RNFT2: variants seen among roughly 807,000 people sequenced by gnomAD.
RNFT2 encodes the protein ring finger protein, transmembrane 2, also known as E3 ubiquitin-protein ligase RNFT2.
Under a neutral mutation model 53.0 loss-of-function variants are expected in RNFT2, and 36 were observed. The observed-to-expected ratio is 0.68, with a 90% CI of 0.52 to 0.90. RNFT2 has a LOEUF of 0.90. Ranked by LOEUF, RNFT2 falls within the 40% of genes least tolerant of loss-of-function variation. The pLI, the probability that RNFT2 is intolerant of heterozygous loss-of-function variation, is 0.00. For synonymous variants in RNFT2, 260 were observed against 253.2 expected, an observed-to-expected ratio of 1.03 and a Z score of -0.26; for missense variants, 514 against 585.6, an observed-to-expected ratio of 0.88 and a Z score of 1.26.
At chr12:116,800,180 G>A (rs1603328) in intron 7 of RNFT2, among the ~76,000 whole-genome samples, 136,148 of 152,204 alleles carry the variant, frequency 0.89, 60,947 homozygotes, top group Admixed American at 0.91. Flanking sequence ...CATGAGCCAA[G>A]ATAAACCTCT....
intron 6 of RNFT2, among the ~76,000 whole-genome samples, chr12:116,775,953 G>T (rs1045123213): frequency 1.3e-5 from 2 of 151,994 alleles, no homozygotes; most frequent in Non-Finnish European, 2.9e-5. Context: ...TGAGGCAGAA[G>T]AATTGCTTGA....
At chr12:116,841,149 C>A (rs1039675218) in intron 10 of RNFT2, among the ~76,000 whole-genome samples, 3 of 152,104 alleles carry the variant, frequency 2.0e-5, no homozygotes, top group Admixed American at 6.6e-5. Flanking sequence ...ACAGTTTTTA[C>A]GGGTCAAGAA....
At chr12:116,771,484 A>ATATAT (rs1288359294) in intron 6 of RNFT2, among the ~76,000 whole-genome samples, 22 of 115,950 alleles carry the variant, frequency 1.9e-4, no homozygotes, top group African/African-American at 5.3e-4. Context: ...AAAAAAAAAA[A>ATATAT]AAAAAAAAAA....
intron 7 of RNFT2, among the ~76,000 whole-genome samples, chr12:116,827,231 A>AAAAG (rs542749710): frequency 7.4e-5 from 11 of 147,746 alleles, no homozygotes; most frequent in Non-Finnish European, 8.9e-5. Flanking sequence ...AAAAAAAAAA[A>AAAAG]AAAGAAAGAA....
At chr12:116,801,924 C>T (rs996806790) in intron 7 of RNFT2, among the ~76,000 whole-genome samples, 1 of 152,030 alleles carries the variant, frequency 6.6e-6, no homozygotes, top group Non-Finnish European at 1.5e-5. Flanking sequence ...CAGGTTCAAG[C>T]GATTCTCCTG....
At chr12:116,801,833 T>C (rs1874811124) in intron 7 of RNFT2, among the ~76,000 whole-genome samples, 1 of 151,192 alleles carries the variant, frequency 6.6e-6, no homozygotes, top group Admixed American at 6.6e-5. Flanking sequence ...TGTTTGTTTG[T>C]TTTTTTGAGA....
At chr12:116,834,415 G>A (rs1000837120) in intron 8 of RNFT2, among the ~76,000 whole-genome samples, 9 of 152,084 alleles carry the variant, frequency 5.9e-5, no homozygotes, top group South Asian at 4.1e-4. Flanking sequence ...CACCACGCCC[G>A]GCCTCCAGTA....
intron 7 of RNFT2, among the ~76,000 whole-genome samples, chr12:116,823,409 C>T (rs1876156376): frequency 6.6e-6 from 1 of 152,142 alleles, no homozygotes; most frequent in African/African-American, 2.4e-5. Flanking sequence ...TCAGGCCAAG[C>T]GTGGTAGCTC....
chr12:116,748,096 A>G (rs936215935), intron 3 of RNFT2, among the ~76,000 whole-genome samples: 1 of 152,106 alleles, frequency 6.6e-6, no homozygotes, highest in Non-Finnish European at 1.5e-5. Context: ...AGGCTGAGGC[A>G]GGAGAATCGC....
chr12:116,836,357 C>T (rs1023527141), intron 10 of RNFT2, 75 bp downstream of exon 10: 35 of 1,271,056 alleles, frequency 2.8e-5, no homozygotes, highest in African/African-American at 7.4e-5. Flanking sequence ...GGGCAGTCCT[C>T]GGGTCTCTGG....
intron 3 of RNFT2, among the ~76,000 whole-genome samples, chr12:116,746,172 G>A (rs1182395378): frequency 3.3e-5 from 5 of 152,204 alleles, no homozygotes; most frequent in African/African-American, 7.2e-5. Flanking sequence ...GGGAGGCAGA[G>A]GTTGCAGTGA....
chr12:116,769,811 C>T (rs1214894831), intron 6 of RNFT2, among the ~76,000 whole-genome samples: 1 of 151,796 alleles, frequency 6.6e-6, no homozygotes, highest in African/African-American at 2.4e-5. Flanking sequence ...GTGGGTGGAT[C>T]ATTTGAGGTC....
At chr12:116,745,283 T>C (rs1451380585) in intron 3 of RNFT2, among the ~76,000 whole-genome samples, 1 of 151,682 alleles carries the variant, frequency 6.6e-6, no homozygotes, top group Non-Finnish European at 1.5e-5. Flanking sequence ...CAAGCGATTC[T>C]CCTGCCGCAG....
At position 116,832,898 on chromosome 12, in the gene RNFT2, C is replaced by CTTTT. The variant is rs71095601; in HGVS notation, c.883-873_883-870dup. On this transcript the variant is annotated intron_variant, in intron 7 of 10. Coordinates refer to ENST00000257575, the MANE Select transcript of RNFT2 (RefSeq NM_001382266.1). ...CCAGTGTGAGTACCCAAGTCGTGTT[C>CTTTT]TTTTTTTTTTTTTTTTTTTTTTTTG... is the stretch of plus-strand genomic sequence containing the variant. Among the ~76,000 whole-genome samples the CTTTT allele has an allele frequency of 2.4e-3, 200 of 84,722 alleles. 4 individuals carry two copies. The highest frequency in any genetic ancestry group is 2.6e-3 in the African/African-American group (54 of 20,644). 55.6% of individuals were successfully genotyped at this position (84,722 alleles called of 152,430 possible). A position where few individuals can be genotyped will look rare whatever the true frequency, so the allele number is the denominator to read the frequency against.
intron 7 of RNFT2, among the ~76,000 whole-genome samples, chr12:116,795,195 C>T (rs1205294763): frequency 2.0e-5 from 3 of 152,066 alleles, no homozygotes; most frequent in African/African-American, 7.2e-5. Context: ...CACCTGGGGT[C>T]AGGAGTTCGA....
intron 10 of RNFT2, among the ~76,000 whole-genome samples, chr12:116,839,027 A>G (rs1238613406): frequency 6.6e-6 from 1 of 152,236 alleles, no homozygotes; most frequent in East Asian, 1.9e-4. Flanking sequence ...TGAACAAATG[A>G]ATGAATGACT....
chr12:116,773,659 A>G (rs1873297884), intron 6 of RNFT2, among the ~76,000 whole-genome samples: 1 of 152,190 alleles, frequency 6.6e-6, no homozygotes, highest in Non-Finnish European at 1.5e-5. Context: ...CAGGCTCAGC[A>G]GAGGCCCTAA....
In RNFT2 at chr12:116,845,647, C is replaced by T. The variant is rs536419640; in HGVS notation, c.1201-3667C>T. ...TCCAGGGTGTGAGGATGGGGCTGGACGGGAGACGGGCCATCATAGAGGGTA... is the reference window on the plus strand; with the variant it reads ...TCCAGGGTGTGAGGATGGGGCTGGATGGGAGACGGGCCATCATAGAGGGTA... On this transcript the variant is annotated intron_variant, in intron 10 of 10. Transcript: ENST00000257575. 7.2e-5 allele frequency among the ~76,000 whole-genome samples: 11 copies of T among 152,126 alleles called. No homozygotes were observed. The East Asian group carries it at 9.7e-4, about 13-fold the overall frequency.
At chr12:116,834,436 A>G (rs1383176632) in intron 8 of RNFT2, among the ~76,000 whole-genome samples, 4 of 152,140 alleles carry the variant, frequency 2.6e-5, no homozygotes, top group African/African-American at 9.7e-5. Flanking sequence ...ACTATTTTAA[A>G]GTGTATAATT....
Sources: gnomAD v4.1 joint callset for allele counts (sites outside exome capture counted in the v4.1 genomes callset) on GRCh38, gnomAD v4.1.1 for gene constraint, MANE v1.5 for transcripts, NCBI Gene and HGNC (gene_info 2026-07-23, HGNC 2026-07-21) for gene names.